SLC9A8: variants seen among roughly 807,000 people sequenced by gnomAD.
SLC9A8 encodes solute carrier family 9 member A8.
A neutral mutation model predicts 66.6 loss-of-function variants in SLC9A8; 48 were observed. The ratio of observed to expected loss-of-function variants is 0.72; its 90% confidence interval spans 0.57 to 0.92. The LOEUF is 0.92. Among genes scored for constraint, SLC9A8 ranks in the 40% least tolerant of loss-of-function variants. The pLI is 0.00. For missense variants in SLC9A8, 599 were observed against 747.3 expected (o/e 0.80, Z 2.31); for synonymous variants, 274 against 282.6 (o/e 0.97, Z 0.31).
intron 10 of SLC9A8, among the ~76,000 whole-genome samples, chr20:49,867,003 A>G (rs1199936010): frequency 6.6e-6 from 1 of 152,050 alleles, no homozygotes; most frequent in Non-Finnish European, 1.5e-5. Flanking sequence ...GTTTTCTTCT[A>G]TATTCTGGAG....
At chr20:49,866,390 G>A (rs1215101359) in intron 10 of SLC9A8, among the ~76,000 whole-genome samples, 4 of 152,180 alleles carry the variant, frequency 2.6e-5, no homozygotes, top group Admixed American at 2.6e-4. Context: ...CTAGGATTAA[G>A]GCTGCTAGGT....
At chr20:49,842,564 T>C (rs921542893) in intron 4 of SLC9A8, among the ~76,000 whole-genome samples, 5 of 152,166 alleles carry the variant, frequency 3.3e-5, no homozygotes, top group Non-Finnish European at 7.4e-5. Context: ...CTTGGATTTA[T>C]TTGGGCCTGA....
Position 49,834,373 on chromosome 20 carries a change from ATATATATATACTGTG to A in SLC9A8, c.290-5157_290-5143del, listed in dbSNP as rs1568813390. On this transcript the variant is annotated intron_variant, in intron 3 of 15. Coordinates refer to ENST00000361573, the MANE Select transcript of SLC9A8 (RefSeq NM_015266.3). The stretch of plus-strand genomic sequence containing the variant: ...CTGTATATATATATATACTGTGTAT[ATATATATATACTGTG>A]TATATATATATACTGTGTATATATA... 4.4e-4 allele frequency among the ~76,000 whole-genome samples: 29 copies of A among 66,252 alleles called. 1 individual carries two copies. Among genetic ancestry groups the A allele is most frequent in the African/African-American group, 8.3e-4 (7 of 8,450 alleles). The allele number at this position is 66,252 out of a possible 152,430, so 43.5% of individuals were successfully genotyped here.
At chr20:49,829,762 C>T (rs991596405) in intron 3 of SLC9A8, 14 of 527,538 alleles carry the variant, frequency 2.7e-5, no homozygotes, top group African/African-American at 9.7e-5. Context: ...TGACAAGAAT[C>T]GGCTTAATTC....
intron 3 of SLC9A8, among the ~76,000 whole-genome samples, chr20:49,824,920 G>T (rs143704863): frequency 6.6e-6 from 1 of 152,186 alleles, no homozygotes; most frequent in Non-Finnish European, 1.5e-5. Flanking sequence ...GGGGAAGCGT[G>T]ATGAGGTAGT....
At chr20:49,864,653 A>G (rs967216837) in intron 9 of SLC9A8, 86 bp from the exon 10 acceptor site, 5 of 859,684 alleles carry the variant, frequency 5.8e-6, no homozygotes, top group African/African-American at 1.7e-5. Context: ...TTTACTTCAT[A>G]TATTTGGAAA....
intron 3 of SLC9A8, chr20:49,830,178 T>G: frequency 1.3e-6 from 1 of 772,686 alleles, no homozygotes; most frequent in Non-Finnish European, 2.4e-6. Flanking sequence ...TGGTTCCACC[T>G]CCATCCGGGC....
At chr20:49,868,753 C>G (rs2089077395) in intron 10 of SLC9A8, among the ~76,000 whole-genome samples, 1 of 152,172 alleles carries the variant, frequency 6.6e-6, no homozygotes, top group Non-Finnish European at 1.5e-5. Flanking sequence ...GACAAAAGGG[C>G]CAGCCTGACG....
At chr20:49,860,189 C>T (rs1006689368) in intron 8 of SLC9A8, among the ~76,000 whole-genome samples, 1 of 152,166 alleles carries the variant, frequency 6.6e-6, no homozygotes, top group African/African-American at 2.4e-5. Flanking sequence ...CCCTTGTTGG[C>T]TGCCACATTC....
chr20:49,814,498 G>A (rs1295311849), intron 1 of SLC9A8, among the ~76,000 whole-genome samples: 1 of 152,190 alleles, frequency 6.6e-6, no homozygotes, highest in Non-Finnish European at 1.5e-5. Flanking sequence ...GGTGTGGTAA[G>A]ATGGGGTAAT....
At chr20:49,820,596 G>T (rs752831941) in intron 2 of SLC9A8, among the ~76,000 whole-genome samples, 1 of 152,044 alleles carries the variant, frequency 6.6e-6, no homozygotes, top group Non-Finnish European at 1.5e-5. Context: ...TCCCAGGCTA[G>T]AGTGCAGTGG....
chr20:49,870,440 G>A (rs2089169176), intron 10 of SLC9A8, among the ~76,000 whole-genome samples: 3 of 152,204 alleles, frequency 2.0e-5, no homozygotes, highest in Admixed American at 2.0e-4. Flanking sequence ...GACGCTCTAG[G>A]GAAGGAGGGT....
intron 4 of SLC9A8, among the ~76,000 whole-genome samples, chr20:49,844,203 T>G (rs761014075): frequency 2.6e-5 from 4 of 152,202 alleles, no homozygotes; most frequent in Non-Finnish European, 5.9e-5. Flanking sequence ...GCATCCAGTG[T>G]GGACTGTTTT....
Position 49,883,952 on chromosome 20 carries a change from C to T in SLC9A8, c.1377C>T (p.Thr459=). 2 of 1,613,208 alleles carry T rather than the reference C, an allele frequency of 1.2e-6. No homozygotes were observed. Among genetic ancestry groups the T allele is most frequent in the Non-Finnish European group, 1.7e-6 (2 of 1,179,998 alleles). ...CCACCATCGTCATCGTGCTCTTCAC[C>T]ATCCTGCTGCTGGGCGGCAGCACCA... The part of the protein sequence containing the change: ...GTTTIVIVLF[T]ILLLGGSTMP... Residue 459 remains threonine, a synonymous_variant, in exon 14 of 16, where the codon ACC becomes ACT. Transcript: ENST00000361573.
intron 10 of SLC9A8, among the ~76,000 whole-genome samples, chr20:49,865,371 G>A (rs1270064123): frequency 2.0e-5 from 3 of 152,166 alleles, no homozygotes; most frequent in East Asian, 1.9e-4. Flanking sequence ...TGGTGGTGGC[G>A]TAATGTTGGG....
intron 3 of SLC9A8, among the ~76,000 whole-genome samples, chr20:49,824,862 T>C (rs748030509): frequency 6.6e-6 from 1 of 152,006 alleles, no homozygotes; most frequent in Non-Finnish European, 1.5e-5. Flanking sequence ...TTCAGAGGGG[T>C]AGGGGCGGCA....
intron 2 of SLC9A8, among the ~76,000 whole-genome samples, chr20:49,821,781 G>A (rs2086747736): frequency 6.6e-6 from 1 of 152,020 alleles, no homozygotes; most frequent in Non-Finnish European, 1.5e-5. Flanking sequence ...TTGCCGGGGG[G>A]TTGGTGGGGG....
intron 3 of SLC9A8, among the ~76,000 whole-genome samples, chr20:49,834,367 GTGTATATA>G (rs2087394756): frequency 6.8e-5 from 3 of 43,862 alleles, no homozygotes; most frequent in Admixed American, 2.1e-4. Context: ...TATATATACT[GTGTATATA>G]TATATATACT....
At position 49,890,453 on chromosome 20, in the gene SLC9A8, T is replaced by C. The variant is rs1470881559; in HGVS notation, c.*2517T>C. On this transcript the variant is annotated 3_prime_UTR_variant, in exon 16 of 16. Transcript: ENST00000361573. Reference sequence around the variant, plus strand: ...TCTAGGCCATGGTACAGGAGAACTGTGGCGTGTAGGAGGAATACTTCAGGA... The same window carrying C: ...TCTAGGCCATGGTACAGGAGAACTGCGGCGTGTAGGAGGAATACTTCAGGA... 2 of 152,180 alleles carry C rather than the reference T, an allele frequency of 1.3e-5. No homozygotes were observed. Among genetic ancestry groups the C allele is most frequent in the Non-Finnish European group, 2.9e-5 (2 of 68,046 alleles). 9.4% of individuals were successfully genotyped at this position (152,180 alleles called of 1,614,324 possible).
Sources: allele counts gnomAD v4.1 joint callset (sites outside exome capture counted in the v4.1 genomes callset), GRCh38; gene constraint gnomAD v4.1.1; transcripts MANE v1.5; gene names NCBI Gene and HGNC (gene_info 2026-07-23, HGNC 2026-07-21).